Variants in CAPZA2 observed in about 807,000 individuals in gnomAD.
The protein encoded by CAPZA2 is F-actin-capping protein subunit alpha-2.
A neutral mutation model predicts 44.0 loss-of-function variants in CAPZA2; 13 were observed. That is an observed-to-expected ratio of 0.30 (90% confidence interval 0.19 to 0.47). The LOEUF is 0.47. Ranked by LOEUF, CAPZA2 falls within the 20% of genes least tolerant of loss-of-function variation. The pLI, the probability that CAPZA2 is intolerant of heterozygous loss-of-function variation, is 1.00. For synonymous variants in CAPZA2, 94 were observed against 108.2 expected (o/e 0.87, Z 0.81); for missense variants, 244 against 338.6 (o/e 0.72, Z 2.19).
At chr7:116,899,079 C>G (rs1796963367) in intron 4 of CAPZA2, among the ~76,000 whole-genome samples, 1 of 151,850 alleles carries the variant, frequency 6.6e-6, no homozygotes, top group South Asian at 2.1e-4. Context: ...TACTGTAAAT[C>G]TACTTTCTTA....
chr7:116,883,582 C>T (rs1796725774), intron 1 of CAPZA2, among the ~76,000 whole-genome samples: 1 of 152,218 alleles, frequency 6.6e-6, no homozygotes, highest in African/African-American at 2.4e-5. Context: ...AGTCTGCTCC[C>T]TTGACCTCCC....
intron 2 of CAPZA2, among the ~76,000 whole-genome samples, chr7:116,890,543 T>A (rs1244584656): frequency 0.037 from 464 of 12,394 alleles, 56 homozygotes; most frequent in African/African-American, 0.14. Context: ...TATATATATA[T>A]ATATATATAT....
Position 116,919,662 on chromosome 7 carries a change from G to A in CAPZA2, c.*1795G>A, listed in dbSNP as rs1209406707. 2.7e-5 allele frequency: 4 copies of A among 150,382 alleles called. No homozygotes were observed. Among genetic ancestry groups the A allele is most frequent in the Admixed American group, 2.0e-4 (3 of 15,176 alleles). 9.3% of individuals were successfully genotyped at this position (150,382 alleles called of 1,614,324 possible). ...GGGTGGATCACGGGGTCAGGAGATTGAGACCACCCTGACTAACACAGTGAA... is the reference window on the plus strand; with the variant it reads ...GGGTGGATCACGGGGTCAGGAGATTAAGACCACCCTGACTAACACAGTGAA... On this transcript the variant is annotated 3_prime_UTR_variant, in exon 10 of 10. Coordinates refer to ENST00000361183, the MANE Select transcript of CAPZA2 (RefSeq NM_006136.3).
At chr7:116,892,643 A>G (rs1562960449) in intron 2 of CAPZA2, among the ~76,000 whole-genome samples, 1 of 143,116 alleles carries the variant, frequency 7.0e-6, no homozygotes, top group Non-Finnish European at 1.5e-5. Flanking sequence ...TGATGAGCTT[A>G]AAAAAAAAAA....
intron 6 of CAPZA2, among the ~76,000 whole-genome samples, chr7:116,907,985 A>G (rs1394314600): frequency 6.6e-6 from 1 of 152,172 alleles, no homozygotes; most frequent in Non-Finnish European, 1.5e-5. Flanking sequence ...AAAGAACTAT[A>G]CTTCAAGCCA....
rs1366700261 is a variant in CAPZA2, at chr7:116,919,595, G to GT, written c.*1729dup. The GT allele has an allele frequency of 6.8e-6, 1 of 147,532 alleles. No homozygotes were observed. Among genetic ancestry groups the GT allele is most frequent in the Non-Finnish European group, 1.5e-5 (1 of 68,094 alleles). The allele number at this position is 147,532 out of a possible 1,614,324, so 9.1% of individuals were successfully genotyped here. On this transcript the variant is annotated 3_prime_UTR_variant, in exon 10 of 10. Transcript: ENST00000361183. ...AATAATTTAGAACAGGCTGGGCGCG[G>GT]TGGCTCACATCTGTAATCCCAGCAC...
intron 1 of CAPZA2, among the ~76,000 whole-genome samples, chr7:116,866,887 G>A (rs1290342236): frequency 6.6e-6 from 1 of 152,166 alleles, no homozygotes; most frequent in Non-Finnish European, 1.5e-5. Flanking sequence ...AGCTTGCCTA[G>A]AAGTAAATTT....
Position 116,906,320 on chromosome 7 carries a change from C to G in CAPZA2, c.484C>G (p.Gln162Glu). ...QTIIACIESHQFQAKNFWNGR... is the reference protein window; with the variant it reads ...QTIIACIESHEFQAKNFWNGR... ...CATTATTGCATGCATAGAAAGCCAT[C>G]AGTTCCAAGCAAAAAATTTTTGGTA... The change falls in exon 6 of 10, where the codon CAG becomes GAG. Residue 162 changes from glutamine to glutamate, a missense_variant. Transcript: ENST00000361183. The G allele has an allele frequency of 6.2e-7, 1 of 1,611,550 alleles. No homozygotes were observed.
At chr7:116,902,889 T>G (rs552794976) in intron 4 of CAPZA2, among the ~76,000 whole-genome samples, 3 of 152,208 alleles carry the variant, frequency 2.0e-5, no homozygotes, top group African/African-American at 7.2e-5. Context: ...TTAAAAAATT[T>G]TTTTGTAGAG....
In CAPZA2 at chr7:116,900,294, C is replaced by A. The variant is rs527630184; in HGVS notation, c.219+1459C>A. ...TCATTTATCATAAATGGAGATGTAG[C>A]AAATAAGACAAAAACATGAGAACTT... On this transcript the variant is annotated intron_variant, in intron 4 of 9. Transcript: ENST00000361183. Among the ~76,000 whole-genome samples the A allele has an allele frequency of 2.7e-5, 4 of 150,120 alleles. No individual in the cohort carries two copies. In the East Asian group the frequency reaches 5.8e-4, roughly 22 times the overall value.
At chr7:116,870,960 C>T (rs146991233) in intron 1 of CAPZA2, among the ~76,000 whole-genome samples, 94 of 152,110 alleles carry the variant, frequency 6.2e-4, no homozygotes, top group Middle Eastern at 3.4e-3. Context: ...TTTGGTTGTA[C>T]GGAGTTTGAG....
chr7:116,906,137 G>A, intron 5 of CAPZA2, 126 bp from the exon 6 acceptor site: 1 of 1,368,690 alleles, frequency 7.3e-7, no homozygotes, highest in Non-Finnish European at 9.6e-7. Context: ...TTGGAATGAT[G>A]GCCTACTTTG....
intron 2 of CAPZA2, among the ~76,000 whole-genome samples, chr7:116,889,948 T>C (rs549244961): frequency 6.8e-4 from 103 of 152,342 alleles, no homozygotes; most frequent in South Asian, 1.7e-3. Context: ...AACCTACATA[T>C]ACATTAATAC....
Position 116,880,810 on chromosome 7 carries a change from C to T in CAPZA2, c.40-7317C>T, listed in dbSNP as rs144451001. On this transcript the variant is annotated intron_variant, in intron 1 of 9. Coordinates refer to ENST00000361183, the MANE Select transcript of CAPZA2 (RefSeq NM_006136.3). ...CTCACTGCATCCTCCCAGGTTCAAG[C>T]GATTCTCCTGCCTCAGCCTCCTGAG... Among the ~76,000 whole-genome samples, 94 of 138,414 alleles carry T rather than the reference C, an allele frequency of 6.8e-4. No individual in the cohort carries two copies. The East Asian group carries it at 0.015, about 22-fold the overall frequency. The allele number at this position is 138,414 out of a possible 152,430, so 90.8% of individuals were successfully genotyped here. A position where few individuals can be genotyped will look rare whatever the true frequency, so the allele number is the denominator to read the frequency against.
intron 5 of CAPZA2, among the ~76,000 whole-genome samples, chr7:116,905,878 T>A (rs1379480873): frequency 6.6e-6 from 1 of 152,176 alleles, no homozygotes; most frequent in African/African-American, 2.4e-5. Flanking sequence ...CCCCTAAGAT[T>A]GTGAAGTGAA....
chr7:116,898,711 C>T, intron 3 of CAPZA2, 61 bp from the exon 4 acceptor site: 1 of 1,111,560 alleles, frequency 9.0e-7, no homozygotes, highest in Non-Finnish European at 1.3e-6. Flanking sequence ...ATTTTTTGAC[C>T]ATTGTTTTTA....
intron 6 of CAPZA2, among the ~76,000 whole-genome samples, chr7:116,908,132 G>A (rs568442188): frequency 4.0e-5 from 6 of 151,708 alleles, no homozygotes; most frequent in South Asian, 2.1e-4. Flanking sequence ...ATGGTGGTGC[G>A]TGCCTATAGT....
intron 6 of CAPZA2, 89 bp from the exon 7 acceptor site, chr7:116,910,144 A>G: frequency 5.2e-6 from 4 of 762,126 alleles, no homozygotes; most frequent in Non-Finnish European, 7.1e-6. Flanking sequence ...ACACTCTCTC[A>G]TACTGTAGCA....
intron 4 of CAPZA2, among the ~76,000 whole-genome samples, chr7:116,900,469 A>T (rs2115949994): frequency 6.6e-6 from 1 of 152,032 alleles, no homozygotes; most frequent in East Asian, 1.9e-4. Flanking sequence ...TAAGGTAAGG[A>T]TACAAAACTC....
Sources: allele counts gnomAD v4.1 joint callset (sites outside exome capture counted in the v4.1 genomes callset), GRCh38; gene constraint gnomAD v4.1.1; transcripts MANE v1.5; gene names NCBI Gene and HGNC (gene_info 2026-07-23, HGNC 2026-07-21).